MYBPC1: variants seen among roughly 807,000 people sequenced by gnomAD.
MYBPC1 encodes the protein myosin-binding protein C, slow-type.
A neutral mutation model predicts 147.1 loss-of-function variants in MYBPC1; 52 were observed. The observed-to-expected ratio is 0.35, with a 90% CI of 0.28 to 0.45. The LOEUF (loss-of-function observed/expected upper bound fraction) is 0.45. MYBPC1 is among the 20% of genes least tolerant of loss of function. The pLI is 1.00. For synonymous variants in MYBPC1, 477 were observed against 475.9 expected, an observed-to-expected ratio of 1.00 and a Z score of -0.03; for missense variants, 1,228 against 1,440.3, an observed-to-expected ratio of 0.85 and a Z score of 2.39.
intron 6 of MYBPC1, among the ~76,000 whole-genome samples, chr12:101,630,275 T>A (rs1889619564): frequency 6.6e-6 from 1 of 152,354 alleles, no homozygotes; most frequent in Non-Finnish European, 1.5e-5. Flanking sequence ...CACTAAATCC[T>A]GCTTTTTACA....
intron 29 of MYBPC1, among the ~76,000 whole-genome samples, chr12:101,681,593 T>TA (rs56234991): frequency 0.011 from 85 of 8,040 alleles, no homozygotes; most frequent in Non-Finnish European, 0.015. Flanking sequence ...TATATATATA[T>TA]TTTTTTTTTT....
intron 1 of MYBPC1, among the ~76,000 whole-genome samples, chr12:101,609,239 A>C (rs1166985476): frequency 6.6e-6 from 1 of 152,096 alleles, no homozygotes; most frequent in Non-Finnish European, 1.5e-5. Context: ...GTGGACCAGC[A>C]GCATCACCTG....
chr12:101,627,014 G>A (rs1888762298), intron 4 of MYBPC1, 104 bp downstream of exon 4: 1 of 1,091,148 alleles, frequency 9.2e-7, no homozygotes, highest in Non-Finnish European at 1.4e-6. Context: ...AGTGCACAGA[G>A]CAGGGGCAAC....
intron 3 of MYBPC1, among the ~76,000 whole-genome samples, chr12:101,622,590 C>T (rs966710538): frequency 1.3e-5 from 2 of 152,018 alleles, no homozygotes; most frequent in Admixed American, 6.6e-5. Flanking sequence ...CAAAAATTAG[C>T]CAGGCATGGT....
At chr12:101,626,342 G>GA (rs1246468359) in intron 3 of MYBPC1, among the ~76,000 whole-genome samples, 11 of 152,114 alleles carry the variant, frequency 7.2e-5, no homozygotes, top group Non-Finnish European at 1.2e-4. Flanking sequence ...TATAATGTTG[G>GA]AAAAAATGCT....
chr12:101,597,556 G>A (rs1877830281), intron 1 of MYBPC1, among the ~76,000 whole-genome samples: 1 of 152,224 alleles, frequency 6.6e-6, no homozygotes, highest in South Asian at 2.1e-4. Flanking sequence ...CTTCTAAGGA[G>A]AAGGAGGAAG....
At chr12:101,612,439 G>C (rs1884637481) in intron 1 of MYBPC1, among the ~76,000 whole-genome samples, 1 of 152,170 alleles carries the variant, frequency 6.6e-6, no homozygotes, top group African/African-American at 2.4e-5. Flanking sequence ...AAGGGGAACA[G>C]AAATGGCTCT....
chr12:101,601,877 A>G (rs908616643), intron 1 of MYBPC1, among the ~76,000 whole-genome samples: 2 of 152,198 alleles, frequency 1.3e-5, no homozygotes, highest in African/African-American at 4.8e-5. Flanking sequence ...ATCTTGGAAC[A>G]GAATGCTCTA....
chr12:101,605,021 C>G (rs1881590102), intron 1 of MYBPC1, among the ~76,000 whole-genome samples: 1 of 152,164 alleles, frequency 6.6e-6, no homozygotes, highest in African/African-American at 2.4e-5. Context: ...AAGTCCCAGG[C>G]CCTGGGTTTA....
intron 27 of MYBPC1, 89 bp downstream of exon 27, chr12:101,677,483 CA>C: frequency 1.0e-5 from 15 of 1,455,828 alleles, no homozygotes; most frequent in Non-Finnish European, 1.1e-5. Flanking sequence ...TGAAAGGGAA[CA>C]AAAAAATGGT....
At chr12:101,635,009 C>T (rs1890711449) in intron 9 of MYBPC1, among the ~76,000 whole-genome samples, 1 of 152,148 alleles carries the variant, frequency 6.6e-6, no homozygotes, top group Non-Finnish European at 1.5e-5. Context: ...CTAGAAATCA[C>T]TCAGGGAGCT....
chr12:101,678,680 A>T (rs1015694038), intron 28 of MYBPC1, among the ~76,000 whole-genome samples: 32 of 152,348 alleles, frequency 2.1e-4, no homozygotes, highest in African/African-American at 7.5e-4. Context: ...TGTGCTAAGA[A>T]GGGAGCTATC....
intron 22 of MYBPC1, among the ~76,000 whole-genome samples, chr12:101,665,529 TTTG>T (rs1897277607): frequency 6.6e-6 from 1 of 152,188 alleles, no homozygotes; most frequent in African/African-American, 2.4e-5. Context: ...TTTACTCTTC[TTTG>T]TTTTCTTTCT....
intron 1 of MYBPC1, among the ~76,000 whole-genome samples, chr12:101,599,139 T>C (rs979400466): frequency 1.6e-4 from 24 of 152,350 alleles, no homozygotes; most frequent in Non-Finnish European, 3.1e-4. Flanking sequence ...CAATCACAGG[T>C]TCCTTTATGA....
At chr12:101,619,638 G>A (rs1886936197) in intron 3 of MYBPC1, among the ~76,000 whole-genome samples, 1 of 152,156 alleles carries the variant, frequency 6.6e-6, no homozygotes, top group Admixed American at 6.5e-5. Context: ...TAGTCACTGA[G>A]GGTTAGAATG....
intron 3 of MYBPC1, among the ~76,000 whole-genome samples, chr12:101,617,824 A>G (rs1238795057): frequency 6.6e-6 from 1 of 152,164 alleles, no homozygotes; most frequent in African/African-American, 2.4e-5. Flanking sequence ...AGATAGTCTC[A>G]TTTTAGAAAA....
chr12:101,617,266 G>A (rs776798735), intron 3 of MYBPC1, 23 bp downstream of exon 3: 32 of 1,613,168 alleles, frequency 2.0e-5, no homozygotes, highest in Non-Finnish European at 2.5e-5. Context: ...GAGGGAGAGT[G>A]AGGCTGAAGT....
chr12:101,613,584 C>A (rs1192987879), intron 1 of MYBPC1, among the ~76,000 whole-genome samples: 1 of 152,180 alleles, frequency 6.6e-6, no homozygotes, highest in East Asian at 1.9e-4. Flanking sequence ...TGGGCATCCA[C>A]AGGGATTTGG....
intron 5 of MYBPC1, 28 bp downstream of exon 5, chr12:101,627,832 T>G: frequency 6.2e-7 from 1 of 1,605,368 alleles, no homozygotes; most frequent in Non-Finnish European, 8.5e-7. Flanking sequence ...GAAGGCATCC[T>G]GACCTCATCC....
Sources: allele counts gnomAD v4.1 joint callset (sites outside exome capture counted in the v4.1 genomes callset), GRCh38; gene constraint gnomAD v4.1.1; transcripts MANE v1.5; gene names NCBI Gene and HGNC (gene_info 2026-07-23, HGNC 2026-07-21).